Variants in DSCAML1 observed in about 807,000 individuals in gnomAD.
The protein encoded by DSCAML1 is DS cell adhesion molecule like 1.
DSCAML1 carries 38 observed loss-of-function variants against 200.5 expected under a neutral mutation model. That is an observed-to-expected ratio of 0.19 (90% CI 0.15 to 0.25). The LOEUF (loss-of-function observed/expected upper bound fraction) is 0.25. Among genes scored for constraint, DSCAML1 ranks in the 10% least tolerant of loss-of-function variants. DSCAML1 has a pLI of 1.00. For synonymous variants in DSCAML1, 1,215 were observed against 1,165.0 expected (o/e 1.04, Z -0.87); for missense variants, 2,223 against 2,858.8 (o/e 0.78, Z 5.07).
chr11:117,486,153 C>T (rs2049044296), intron 11 of DSCAML1, among the ~76,000 whole-genome samples: 1 of 152,188 alleles, frequency 6.6e-6, no homozygotes, highest in South Asian at 2.1e-4. Flanking sequence ...CTTTTCCATC[C>T]TCGCCAGCGC....
chr11:117,542,353 CAAA>C lies in DSCAML1; in HGVS notation c.512-9834_512-9832del, dbSNP rs200181397. ...ACAAAAACAACAACAACAACAACAA[CAAA>C]AAAAAAACAGTGCAGGCGATGTAGT... On this transcript the variant is annotated intron_variant, in intron 3 of 32. Transcript: ENST00000651296. 3.1e-3 allele frequency among the ~76,000 whole-genome samples: 471 copies of C among 150,770 alleles called. 2 individuals are homozygous for C. The highest frequency in any genetic ancestry group is 6.3e-3 in the African/African-American group (255 of 40,748).
chr11:117,682,713 G>A (rs1312272801), intron 3 of DSCAML1, among the ~76,000 whole-genome samples: 1 of 152,178 alleles, frequency 6.6e-6, no homozygotes, highest in Admixed American at 6.5e-5. Context: ...CTCGCTCCCA[G>A]CCAAGCCTGG....
At chr11:117,432,268 A>G in intron 30 of DSCAML1, 84 bp downstream of exon 30, 1 of 1,327,518 alleles carries the variant, frequency 7.5e-7, no homozygotes, top group Non-Finnish European at 1.0e-6. Flanking sequence ...TCCTCCCTTT[A>G]AAAAAAAACA....
upstream of DSCAML1, chr11:117,797,288 C>G (rs1054632357): frequency 7.5e-7 from 1 of 1,327,324 alleles, no homozygotes; most frequent in African/African-American, 1.5e-5. Flanking sequence ...CGGCCGCTCT[C>G]CCCGCCCCCC....
rs2049450546 is a variant in DSCAML1, at chr11:117,504,289, C to T, written c.2183-268G>A. 6.6e-6 allele frequency among the ~76,000 whole-genome samples: 1 copy of T among 152,192 alleles called. No homozygotes were observed. Among genetic ancestry groups the T allele is most frequent in the South Asian group, 2.1e-4 (1 of 4,832 alleles). On this transcript the variant is annotated intron_variant, in intron 10 of 32. Coordinates refer to ENST00000651296, the MANE Select transcript of DSCAML1 (RefSeq NM_020693.4). The surrounding 1 kb of genome is among the most constrained non-coding windows in gnomAD (Gnocchi z 5.0). ...TGCCCACTTTGACACTGGCATGGAGCTTCTTTGGGGTAAATTCCTTGGAGA... is the reference window on the plus strand; with the variant it reads ...TGCCCACTTTGACACTGGCATGGAGTTTCTTTGGGGTAAATTCCTTGGAGA...
At chr11:117,686,551 C>T (rs567166429) in intron 3 of DSCAML1, among the ~76,000 whole-genome samples, 5 of 152,246 alleles carry the variant, frequency 3.3e-5, no homozygotes, top group East Asian at 1.9e-4. Flanking sequence ...ACATGCCCCC[C>T]GGCACCTGGA....
chr11:117,501,738 C>G (rs1165157696), intron 11 of DSCAML1, among the ~76,000 whole-genome samples: 1 of 152,114 alleles, frequency 6.6e-6, no homozygotes, highest in East Asian at 1.9e-4. Flanking sequence ...TTGAGAGGTT[C>G]TGAGGGTGAT....
chr11:117,622,095 G>T (rs149010364), intron 3 of DSCAML1, among the ~76,000 whole-genome samples: 1 of 152,300 alleles, frequency 6.6e-6, no homozygotes, highest in Non-Finnish European at 1.5e-5. Flanking sequence ...CCTAGTCCAG[G>T]CTTGGATGTT....
intron 3 of DSCAML1, among the ~76,000 whole-genome samples, chr11:117,761,666 T>C (rs1407707847): frequency 6.6e-6 from 1 of 151,420 alleles, no homozygotes; most frequent in Non-Finnish European, 1.5e-5. Flanking sequence ...AGTCGAGGAG[T>C]TCAAGACCAG....
intron 18 of DSCAML1, among the ~76,000 whole-genome samples, chr11:117,459,299 G>A (rs115317288): frequency 0.024 from 3,666 of 152,326 alleles, 158 homozygotes; most frequent in African/African-American, 0.083. Flanking sequence ...AGGAGGTCCC[G>A]TGCAGGAGGC....
At chr11:117,686,846 G>A (rs773124020) in intron 3 of DSCAML1, among the ~76,000 whole-genome samples, 14 of 152,042 alleles carry the variant, frequency 9.2e-5, no homozygotes, top group Non-Finnish European at 1.0e-4. Flanking sequence ...TGATGATGAC[G>A]ATGATGATGA....
chr11:117,526,548 T>C (rs1291578966), intron 4 of DSCAML1, among the ~76,000 whole-genome samples: 1 of 152,132 alleles, frequency 6.6e-6, no homozygotes, highest in Non-Finnish European at 1.5e-5. Context: ...AGACAGAGTC[T>C]CACTCTGTCA....
chr11:117,573,624 G>A (rs540119314), intron 3 of DSCAML1, among the ~76,000 whole-genome samples: 2 of 152,336 alleles, frequency 1.3e-5, no homozygotes, highest in South Asian at 2.1e-4. Flanking sequence ...GGCCATCAGC[G>A]TCCTCTGCCC....
intron 3 of DSCAML1, among the ~76,000 whole-genome samples, chr11:117,556,377 A>T (rs1329262708): frequency 2.0e-5 from 3 of 152,148 alleles, no homozygotes; most frequent in Non-Finnish European, 4.4e-5. Context: ...AGGGCCACAG[A>T]AGGTTTCTGG....
At chr11:117,447,003 T>C (rs2048192769) in intron 20 of DSCAML1, among the ~76,000 whole-genome samples, 1 of 152,184 alleles carries the variant, frequency 6.6e-6, no homozygotes, top group African/African-American at 2.4e-5. Context: ...GATCATGTTT[T>C]AGGTCAGGTG....
chr11:117,682,972 C>T (rs552709114), intron 3 of DSCAML1, among the ~76,000 whole-genome samples: 4 of 152,362 alleles, frequency 2.6e-5, no homozygotes, highest in African/African-American at 7.2e-5. Flanking sequence ...ATCTGTCCCA[C>T]TTTACACCAT....
At chr11:117,566,082 A>T (rs540180358) in intron 3 of DSCAML1, among the ~76,000 whole-genome samples, 1 of 152,262 alleles carries the variant, frequency 6.6e-6, no homozygotes, top group East Asian at 1.9e-4. Flanking sequence ...CTTCATGCAG[A>T]CTATGCCATT....
rs1401880589 is a variant in DSCAML1 at position 117,642,593 on chromosome 11, C to A, written c.512-110071G>T. ...ATGGTGAGACACAGTGGGGCTGTAT[C>A]CCTGTGGATGGACAGCAGTGCCTGA... On this transcript the variant is annotated intron_variant, in intron 3 of 32. Coordinates refer to ENST00000651296, the MANE Select transcript of DSCAML1 (RefSeq NM_020693.4). This position sits in a 1 kb window ranked among gnomAD's most constrained non-coding sequence, Gnocchi z 4.1. 2.0e-5 allele frequency among the ~76,000 whole-genome samples: 3 copies of A among 152,236 alleles called. No homozygotes were observed. The highest frequency in any genetic ancestry group is 7.2e-5 in the African/African-American group (3 of 41,468).
chr11:117,773,814 G>A (rs1424082170), intron 3 of DSCAML1, among the ~76,000 whole-genome samples: 1 of 152,110 alleles, frequency 6.6e-6, no homozygotes, highest in Non-Finnish European at 1.5e-5. Context: ...ACATGTAGCT[G>A]TAGAATGATC....
Sources: gnomAD v4.1 joint callset for allele counts (sites outside exome capture counted in the v4.1 genomes callset) on GRCh38, gnomAD v4.1.1 for gene constraint, Gnocchi (gnomAD v3.1) non-coding constraint, MANE v1.5 for transcripts, NCBI Gene and HGNC (gene_info 2026-07-23, HGNC 2026-07-21) for gene names.